The following NCOA1 variants were observed in gnomAD, a reference collection of about 807,000 sequenced individuals.
NCOA1 encodes Hin-2 protein.
A neutral mutation model predicts 150.9 loss-of-function variants in NCOA1; 35 were observed. The ratio of observed to expected loss-of-function variants is 0.23; its 90% confidence interval spans 0.18 to 0.31. The LOEUF is 0.31. Among genes scored for constraint, NCOA1 ranks in the 10% least tolerant of loss-of-function variants. The probability of loss-of-function intolerance (pLI) is 1.00; values close to 1 mark genes in which losing one functional copy is unlikely to be tolerated. For missense variants in NCOA1, 1,491 were observed against 1,749.3 expected (o/e 0.85, Z 2.63); for synonymous variants, 590 against 630.0 (o/e 0.94, Z 0.95).
At chr2:24,542,272 T>A (rs1281189486) in intron 1 of NCOA1, among the ~76,000 whole-genome samples, 2 of 90,252 alleles carry the variant, frequency 2.2e-5, no homozygotes, top group Non-Finnish European at 5.3e-5. Context: ...CTAACCTGAT[T>A]AGTGAATGTG....
rs146942619 is a variant in NCOA1 at position 24,685,439 on chromosome 2, G to A, written c.532+2311G>A. Among the ~76,000 whole-genome samples the A allele has an allele frequency of 2.7e-3, 414 of 152,332 alleles. 2 individuals are homozygous for A. Among genetic ancestry groups the A allele is most frequent in the African/African-American group, 9.6e-3 (401 of 41,586 alleles). ...GTGAAAGGCTAAGATTACAAAGAAT[G>A]AGATGTTAGTGAACATAGACTTATT... On this transcript the variant is annotated intron_variant, in intron 8 of 22. Coordinates refer to ENST00000348332, the MANE Select transcript of NCOA1 (RefSeq NM_003743.5).
intron 1 of NCOA1, among the ~76,000 whole-genome samples, chr2:24,504,719 T>G (rs1168939099): frequency 6.6e-6 from 1 of 152,184 alleles, no homozygotes; most frequent in African/African-American, 2.4e-5. Flanking sequence ...GCTACCATCT[T>G]TAGAATGGAT....
At chr2:24,606,693 T>C (rs1668386033) in intron 3 of NCOA1, among the ~76,000 whole-genome samples, 3 of 152,236 alleles carry the variant, frequency 2.0e-5, no homozygotes, top group African/African-American at 7.2e-5. Context: ...AGAAATACCA[T>C]GTTATATGAG....
intron 1 of NCOA1, among the ~76,000 whole-genome samples, chr2:24,509,175 T>C (rs917366982): frequency 1.3e-5 from 2 of 152,248 alleles, no homozygotes; most frequent in South Asian, 2.1e-4. Context: ...AAGTGCTTTA[T>C]ATACATTGTG....
In NCOA1 at chr2:24,729,487, T is replaced by G. The variant is rs1662877108; in HGVS notation, c.2887-14T>G. On this transcript the variant is annotated splice_polypyrimidine_tract_variant and intron_variant, in intron 16 of 22. Coordinates refer to ENST00000348332, the MANE Select transcript of NCOA1 (RefSeq NM_003743.5). The stretch of plus-strand genomic sequence containing the variant: ...AAATTTATTTGTAAAATATTCTGGC[T>G]TCTTTTCTAACAGGGGGGTGGATTA... 1 of 1,602,120 alleles carries G rather than the reference T, an allele frequency of 6.2e-7. No individual in the cohort carries two copies. Among genetic ancestry groups the G allele is most frequent in the Non-Finnish European group, 8.5e-7 (1 of 1,171,526 alleles).
chr2:24,693,146 G>A, intron 9 of NCOA1, 106 bp from the exon 10 acceptor site: 8 of 1,102,120 alleles, frequency 7.3e-6, no homozygotes, highest in East Asian at 2.4e-5. Flanking sequence ...GAGCCACCAC[G>A]TCTGGCCAAC....
intron 1 of NCOA1, among the ~76,000 whole-genome samples, chr2:24,542,621 G>T (rs115385564): frequency 1.2e-3 from 181 of 152,278 alleles, no homozygotes; most frequent in Non-Finnish European, 1.8e-3. Flanking sequence ...TTGGTTTTGG[G>T]CTTGGAGTTT....
chr2:24,503,565 A>G (rs566019374), intron 1 of NCOA1, among the ~76,000 whole-genome samples: 9 of 152,312 alleles, frequency 5.9e-5, no homozygotes, highest in South Asian at 4.1e-4. Flanking sequence ...TAACCCCTAT[A>G]AGGGAGTCTC....
chr2:24,692,292 T>A (rs961210008), intron 9 of NCOA1, among the ~76,000 whole-genome samples: 1 of 152,166 alleles, frequency 6.6e-6, no homozygotes, highest in South Asian at 2.1e-4. Context: ...AAGAAAGCCA[T>A]GTATGTAGCA....
intron 3 of NCOA1, among the ~76,000 whole-genome samples, chr2:24,634,200 C>T (rs1669831565): frequency 6.6e-6 from 1 of 151,994 alleles, no homozygotes; most frequent in South Asian, 2.1e-4. Flanking sequence ...TAATGGTTAC[C>T]TCTATCAAGG....
At chr2:24,747,329 T>C (rs1023487360) in intron 19 of NCOA1, among the ~76,000 whole-genome samples, 2 of 137,742 alleles carry the variant, frequency 1.5e-5, no homozygotes, top group Non-Finnish European at 1.6e-5. Flanking sequence ...ATTTTTCTCT[T>C]TTTTTTTTTT....
chr2:24,709,096 C>T (rs1015384314), intron 13 of NCOA1, among the ~76,000 whole-genome samples: 1 of 152,154 alleles, frequency 6.6e-6, no homozygotes. Context: ...AAGGCTGTCT[C>T]GTGTTTCTTG....
intron 6 of NCOA1, among the ~76,000 whole-genome samples, chr2:24,667,846 TA>T (rs905231484): frequency 2.6e-5 from 4 of 152,172 alleles, no homozygotes; most frequent in African/African-American, 9.7e-5. Flanking sequence ...GTCTTCTGAG[TA>T]AAGTTGTTCC....
At chr2:24,495,831 A>G (rs538353229) in intron 1 of NCOA1, among the ~76,000 whole-genome samples, 1 of 152,314 alleles carries the variant, frequency 6.6e-6, no homozygotes, top group South Asian at 2.1e-4. Flanking sequence ...TATATTTAAA[A>G]TTGGAGTAAC....
intron 17 of NCOA1, among the ~76,000 whole-genome samples, chr2:24,735,898 C>G (rs545819476): frequency 6.6e-6 from 1 of 151,996 alleles, no homozygotes; most frequent in Admixed American, 6.5e-5. Context: ...AGAACAACAG[C>G]AAAAATGGGT....
chr2:24,762,695 T>A lies in NCOA1; in HGVS notation c.4074T>A (p.Asp1358Glu). 1 of 1,613,828 alleles carries A rather than the reference T, an allele frequency of 6.2e-7. No individual in the cohort carries two copies. Among genetic ancestry groups the A allele is most frequent in the Non-Finnish European group, 8.5e-7 (1 of 1,179,696 alleles). The change falls in exon 22 of 23, where the codon GAT (aspartate) becomes GAA (glutamate). Residue 1358 changes from aspartate to glutamate, a missense_variant. Around this residue, in one of 8 missense-constraint regions of NCOA1, gnomAD observed 485 missense variants for 522.8 expected, o/e 0.93. Transcript: ENST00000348332. ...MNTVCPEQIN[D>E]PALRHTGLYC... ...GTATTTATCTTTAATAGATAAATGA[T>A]CCCGCACTGAGACACACAGGCCTCT...
chr2:24,729,933 C>T, intron 17 of NCOA1, 118 bp downstream of exon 17: 3 of 1,092,056 alleles, frequency 2.7e-6, no homozygotes, highest in Non-Finnish European at 3.9e-6. Flanking sequence ...GCAACCGCCG[C>T]CTCCCAGGTT....
intron 5 of NCOA1, among the ~76,000 whole-genome samples, chr2:24,663,023 A>G (rs540171901): frequency 6.7e-6 from 1 of 149,762 alleles, no homozygotes; most frequent in African/African-American, 2.5e-5. Flanking sequence ...TTGAACTCCT[A>G]GCCTCAAGCA....
At chr2:24,602,828 C>T (rs1337650517) in intron 3 of NCOA1, among the ~76,000 whole-genome samples, 1 of 151,996 alleles carries the variant, frequency 6.6e-6, no homozygotes, top group Non-Finnish European at 1.5e-5. Context: ...GGAATTTTAC[C>T]AATACTGTGG....
Sources: allele counts gnomAD v4.1 joint callset (sites outside exome capture counted in the v4.1 genomes callset), GRCh38; gene constraint gnomAD v4.1.1; regional missense constraint gnomAD v4.1.1; transcripts MANE v1.5; gene names NCBI Gene and HGNC (gene_info 2026-07-23, HGNC 2026-07-21).